COL28A1: variants seen among roughly 807,000 people sequenced by gnomAD.
COL28A1 encodes collagen type XXVIII alpha 1 chain, also known as collagen alpha-1(XXVIII) chain.
In COL28A1, 161 loss-of-function variants were observed where a neutral mutation model predicts 150.2. The ratio of observed to expected loss-of-function variants is 1.07; its 90% CI spans 0.94 to 1.22. COL28A1 has a LOEUF of 1.22. COL28A1 is among the 50% of genes most tolerant of loss of function. The probability of loss-of-function intolerance (pLI) is 0.00; values close to 1 mark genes in which losing one functional copy is unlikely to be tolerated. For synonymous variants in COL28A1, 552 were observed against 469.7 expected, an observed-to-expected ratio of 1.18 and a Z score of -2.26; for missense variants, 1,617 against 1,388.3, an observed-to-expected ratio of 1.16 and a Z score of -2.62.
At chr7:7,470,945 A>G (rs1788357178) in intron 15 of COL28A1, among the ~76,000 whole-genome samples, 1 of 107,232 alleles carries the variant, frequency 9.3e-6, no homozygotes, top group African/African-American at 3.9e-5. Context: ...GGAATATCAC[A>G]CTCTGGGGAC....
intron 18 of COL28A1, among the ~76,000 whole-genome samples, chr7:7,445,598 C>T (rs1027401953): frequency 1.3e-5 from 2 of 152,178 alleles, no homozygotes; most frequent in African/African-American, 4.8e-5. Flanking sequence ...ATTCCACTTG[C>T]TTTCGAGTTA....
chr7:7,423,245 T>C (rs898753703), intron 25 of COL28A1, among the ~76,000 whole-genome samples: 11 of 152,168 alleles, frequency 7.2e-5, no homozygotes, highest in Non-Finnish European at 1.3e-4. Flanking sequence ...TAAAACAAGA[T>C]CAACTATGTG....
intron 4 of COL28A1, among the ~76,000 whole-genome samples, chr7:7,522,918 T>C (rs532322993): frequency 6.6e-6 from 1 of 151,178 alleles, no homozygotes; most frequent in Non-Finnish European, 1.5e-5. Context: ...CTGGGCTGCA[T>C]GTAGCCTGTG....
At chr7:7,367,039 C>T (rs963055065) in intron 33 of COL28A1, among the ~76,000 whole-genome samples, 2 of 152,224 alleles carry the variant, frequency 1.3e-5, no homozygotes, top group South Asian at 2.1e-4. Context: ...CACACACATA[C>T]ATGACAGTGG....
chr7:7,525,721 G>A (rs1781989547), intron 3 of COL28A1, among the ~76,000 whole-genome samples: 1 of 152,168 alleles, frequency 6.6e-6, no homozygotes, highest in Non-Finnish European at 1.5e-5. Context: ...ATAACAAAAT[G>A]CTTTAATGAT....
chr7:7,457,384 T>C lies in COL28A1; in HGVS notation c.1303-1272A>G, dbSNP rs573212851. On this transcript the variant is annotated intron_variant, in intron 15 of 34. Transcript: ENST00000399429. ...TAGAGTGATGGGATTTGCTGAGGACTGAAAGGACTCTTGGCAGAATAGAGT... is the reference window on the plus strand; with the variant it reads ...TAGAGTGATGGGATTTGCTGAGGACCGAAAGGACTCTTGGCAGAATAGAGT... Among the ~76,000 whole-genome samples, 29 of 152,200 alleles carry C rather than the reference T, an allele frequency of 1.9e-4. 2 individuals carry two copies. Among genetic ancestry groups the C allele is most frequent in the African/African-American group, 6.3e-4 (26 of 41,526 alleles).
At chr7:7,342,077 T>G in the COL28A1 span, among the ~76,000 whole-genome samples, 2 of 152,146 alleles carry the variant, frequency 1.3e-5, no homozygotes, top group African/African-American at 4.8e-5. Context: ...TATTTCTCCT[T>G]ATAGTTCAGT....
downstream of COL28A1, among the ~76,000 whole-genome samples, chr7:7,352,234 T>C (rs530689946): frequency 1.4e-4 from 21 of 152,290 alleles, no homozygotes; most frequent in Middle Eastern, 6.8e-3. Context: ...TATTGAGTTC[T>C]TCTTAAATGT....
intron 27 of COL28A1, among the ~76,000 whole-genome samples, chr7:7,384,950 G>A (rs1782094346): frequency 6.6e-6 from 1 of 152,092 alleles, no homozygotes; most frequent in Non-Finnish European, 1.5e-5. Flanking sequence ...ACAGCCTCAT[G>A]AGGCTCCCTG....
intron 15 of COL28A1, 126 bp downstream of exon 15, chr7:7,474,475 G>T: frequency 5.8e-6 from 3 of 513,782 alleles, no homozygotes; most frequent in Non-Finnish European, 6.9e-6. Context: ...GAATATACTA[G>T]ATTTATAATT....
Position 7,358,608 on chromosome 7 carries a change from G to T in COL28A1, c.*25C>A. ...GGAAATTAGGGAGTTCTATGCTTTT[G>T]ATAGAGACAGGCCAATTTACTTGCT... is the stretch of plus-strand genomic sequence containing the variant. On this transcript the variant is annotated 3_prime_UTR_variant, in exon 35 of 35. Coordinates refer to ENST00000399429, the MANE Select transcript of COL28A1 (RefSeq NM_001037763.3). The T allele has an allele frequency of 1.2e-6, 2 of 1,609,480 alleles. No individual in the cohort carries two copies. The highest frequency in any genetic ancestry group is 8.5e-7 in the Non-Finnish European group (1 of 1,176,598).
At chr7:7,359,850 G>A (rs1022488374) in intron 34 of COL28A1, among the ~76,000 whole-genome samples, 3 of 152,002 alleles carry the variant, frequency 2.0e-5, no homozygotes, top group African/African-American at 4.8e-5. Context: ...AATATATATT[G>A]TGTAATTCAT....
intron 3 of COL28A1, among the ~76,000 whole-genome samples, chr7:7,531,042 T>A (rs549649565): frequency 1.3e-5 from 2 of 152,122 alleles, no homozygotes; most frequent in African/African-American, 4.8e-5. Flanking sequence ...ATGTTCATGA[T>A]TGTAGGCTGT....
At chr7:7,367,905 A>G (rs1781019616) in intron 33 of COL28A1, among the ~76,000 whole-genome samples, 1 of 151,414 alleles carries the variant, frequency 6.6e-6, no homozygotes, top group Non-Finnish European at 1.5e-5. Context: ...GAAACCTGAC[A>G]GTCCTACCCA....
chr7:7,417,135 T>G (rs1292864912), intron 27 of COL28A1, among the ~76,000 whole-genome samples: 1 of 152,082 alleles, frequency 6.6e-6, no homozygotes, highest in African/African-American at 2.4e-5. Context: ...TTTTTAGAAT[T>G]ACATAGTAAT....
At chr7:7,413,324 G>C (rs1252604000) in intron 27 of COL28A1, among the ~76,000 whole-genome samples, 1 of 152,120 alleles carries the variant, frequency 6.6e-6, no homozygotes, top group Non-Finnish European at 1.5e-5. Flanking sequence ...TCTTCTGGAG[G>C]CACCAATATA....
At chr7:7,511,231 C>G (rs1347848768) in intron 8 of COL28A1, 96 bp from the exon 9 acceptor site, 18 of 960,516 alleles carry the variant, frequency 1.9e-5, no homozygotes, top group Non-Finnish European at 2.6e-5. Flanking sequence ...CCAGCAGACT[C>G]TTGTAACATA....
chr7:7,391,912 C>T (rs569585176), intron 27 of COL28A1, among the ~76,000 whole-genome samples: 16 of 151,142 alleles, frequency 1.1e-4, no homozygotes, highest in African/African-American at 3.4e-4. Context: ...GAATACAACA[C>T]ACTGATGGGT....
intron 6 of COL28A1, among the ~76,000 whole-genome samples, chr7:7,518,757 C>T (rs1296110063): frequency 1.3e-5 from 2 of 152,088 alleles, no homozygotes; most frequent in Admixed American, 6.5e-5. Flanking sequence ...CACACAAAAA[C>T]AAATGATGTG....
Sources: gnomAD v4.1 joint callset for allele counts (sites outside exome capture counted in the v4.1 genomes callset) on GRCh38, gnomAD v4.1.1 for gene constraint, MANE v1.5 for transcripts, NCBI Gene and HGNC (gene_info 2026-07-23, HGNC 2026-07-21) for gene names.